The following DOCK10 variants were observed in gnomAD, a reference collection of about 807,000 sequenced individuals.
DOCK10 encodes the protein dedicator of cytokinesis 10.
A neutral mutation model predicts 280.1 loss-of-function variants in DOCK10; 145 were observed. The ratio of observed to expected loss-of-function variants is 0.52; its 90% CI spans 0.45 to 0.59. The LOEUF (loss-of-function observed/expected upper bound fraction) is 0.59. Among genes scored for constraint, DOCK10 ranks in the 20% least tolerant of loss-of-function variants. The pLI, the probability that DOCK10 is intolerant of heterozygous loss-of-function variation, is 0.00. For synonymous variants in DOCK10, 915 were observed against 942.2 expected, an observed-to-expected ratio of 0.97 and a Z score of 0.53; for missense variants, 2,368 against 2,651.7, an observed-to-expected ratio of 0.89 and a Z score of 2.35.
chr2:224,914,142 T>C (rs1398259666), intron 3 of DOCK10, among the ~76,000 whole-genome samples: 1 of 152,224 alleles, frequency 6.6e-6, no homozygotes, highest in Non-Finnish European at 1.5e-5. Context: ...AAATGGATAG[T>C]TGAGTAGTAT....
chr2:224,800,139 C>A lies in DOCK10; in HGVS notation c.4506+12G>T, dbSNP rs377714267. 4.7e-6 allele frequency: 7 copies of A among 1,494,264 alleles called. No individual in the cohort carries two copies. The highest frequency in any genetic ancestry group is 6.4e-6 in the Non-Finnish European group (7 of 1,085,798). 92.6% of individuals were successfully genotyped at this position (1,494,264 alleles called of 1,614,324 possible). On this transcript the variant is annotated intron_variant, in intron 41 of 55. Transcript: ENST00000258390. ...CATCATTTTTTGCAGAAAATGTTAT[C>A]ATCATATTCACCTGATGAGTCTGTG...
intron 22 of DOCK10, 66 bp from the exon 23 acceptor site, chr2:224,841,962 C>T: frequency 8.6e-7 from 1 of 1,166,816 alleles, no homozygotes; most frequent in African/African-American, 1.5e-5. Flanking sequence ...ACACAAACCA[C>T]TGTGATGTGA....
rs562102871 is a variant in DOCK10, at chr2:224,879,695, T to C, written c.748-3474A>G. Among the ~76,000 whole-genome samples, 9 of 152,004 alleles carry C rather than the reference T, an allele frequency of 5.9e-5. No homozygotes were observed. In the South Asian group the frequency reaches 1.7e-3, roughly 28 times the overall value. On this transcript the variant is annotated intron_variant, in intron 7 of 55. Coordinates refer to ENST00000258390, the MANE Select transcript of DOCK10 (RefSeq NM_014689.3). Reference sequence around the variant, plus strand: ...GTTACTTGAACCCAGGAGGTAGAGGTTGCAGTGAGCCGAAATTGCACCACT... The same window carrying C: ...GTTACTTGAACCCAGGAGGTAGAGGCTGCAGTGAGCCGAAATTGCACCACT...
At chr2:224,981,481 A>G (rs191945336) in intron 1 of DOCK10, among the ~76,000 whole-genome samples, 1 of 152,328 alleles carries the variant, frequency 6.6e-6, no homozygotes, top group African/African-American at 2.4e-5. Flanking sequence ...TTACCATACC[A>G]TCTATTCTAA....
intron 11 of DOCK10, among the ~76,000 whole-genome samples, chr2:224,871,549 A>T (rs1260660077): frequency 6.6e-5 from 10 of 151,932 alleles, no homozygotes; most frequent in Admixed American, 5.9e-4. Flanking sequence ...ATAAATTCAA[A>T]CTCTTTACTA....
At position 224,796,262 on chromosome 2, in the gene DOCK10, T is replaced by C. The variant is rs912331277; in HGVS notation, c.4938+54A>G. 8 of 1,082,980 alleles carry C rather than the reference T, an allele frequency of 7.4e-6. No homozygotes were observed. In the East Asian group the frequency reaches 7.8e-5, roughly 11 times the overall value. The allele number at this position is 1,082,980 out of a possible 1,614,324, so 67.1% of individuals were successfully genotyped here. A position where few individuals can be genotyped will look rare whatever the true frequency, so the allele number is the denominator to read the frequency against. On this transcript the variant is annotated intron_variant, in intron 44 of 55. Transcript: ENST00000258390. Reference sequence around the variant, plus strand: ...TGATTTTGATATCTCACAAAAAGAATCCACTTCAGATTTAAAAAAATTCTG... The same window carrying C: ...TGATTTTGATATCTCACAAAAAGAACCCACTTCAGATTTAAAAAAATTCTG...
At chr2:224,875,909 T>A in intron 8 of DOCK10, 129 bp downstream of exon 8, 1 of 864,252 alleles carries the variant, frequency 1.2e-6, no homozygotes, top group Non-Finnish European at 1.7e-6. Context: ...ATTTAGTGAT[T>A]CTTGGAACAA....
intron 6 of DOCK10, 61 bp from the exon 7 acceptor site, chr2:224,885,866 A>G (rs1333067078): frequency 2.6e-6 from 4 of 1,568,174 alleles, no homozygotes; most frequent in Non-Finnish European, 3.5e-6. Flanking sequence ...ACTCATAGAA[A>G]TTAGAATTAT....
intron 1 of DOCK10, among the ~76,000 whole-genome samples, chr2:225,035,724 A>G (rs1406849107): frequency 1.3e-5 from 2 of 150,624 alleles, no homozygotes; most frequent in African/African-American, 4.9e-5. Context: ...GGGTGTCTTT[A>G]ACAACAGACA....
At chr2:224,881,472 T>C (rs61438530) in intron 7 of DOCK10, among the ~76,000 whole-genome samples, 2,653 of 152,308 alleles carry the variant, frequency 0.017, 77 homozygotes, top group African/African-American at 0.061. Context: ...CCACATAGCT[T>C]ATGTAGGTAG....
At chr2:224,910,741 T>C (rs1398318632) in intron 3 of DOCK10, among the ~76,000 whole-genome samples, 1 of 152,220 alleles carries the variant, frequency 6.6e-6, no homozygotes, top group African/African-American at 2.4e-5. Context: ...TGGTGACCTC[T>C]TTCTTCTTAT....
intron 1 of DOCK10, among the ~76,000 whole-genome samples, chr2:224,948,437 A>G (rs1012931790): frequency 1.1e-4 from 16 of 152,224 alleles, no homozygotes; most frequent in African/African-American, 3.9e-4. Context: ...AAATTCCACC[A>G]TATGTCTTTA....
intron 23 of DOCK10, among the ~76,000 whole-genome samples, chr2:224,840,978 GTATATTATGCTAA>G (rs1695923898): frequency 6.6e-6 from 1 of 152,166 alleles, no homozygotes. Context: ...GGAACCCGGA[GTATATTATGCTAA>G]GTGAAATGAG....
chr2:225,042,086 G>A lies in DOCK10; in HGVS notation c.123+166C>T, dbSNP rs1254816998. Among the ~76,000 whole-genome samples, 1 of 152,222 alleles carries A rather than the reference G, an allele frequency of 6.6e-6. No homozygotes were observed. Among genetic ancestry groups the A allele is most frequent in the East Asian group, 1.9e-4 (1 of 5,172 alleles). On this transcript the variant is annotated intron_variant, in intron 1 of 55. Transcript: ENST00000258390. The surrounding 1 kb of genome is among the most constrained non-coding windows in gnomAD (Gnocchi z 5.1). ...TACGCGTCGGTGGCGCTGCCTCGCTGAGGTGGCGCCGGGGGAGCCCGCAGA... is the reference window on the plus strand; with the variant it reads ...TACGCGTCGGTGGCGCTGCCTCGCTAAGGTGGCGCCGGGGGAGCCCGCAGA...
chr2:224,874,910 G>A (rs1268530092), intron 8 of DOCK10, among the ~76,000 whole-genome samples, 159 bp from the exon 9 acceptor site: 1 of 152,168 alleles, frequency 6.6e-6, no homozygotes, highest in East Asian at 1.9e-4. Context: ...CCACATTGTT[G>A]AGTGATCTGG....
intron 2 of DOCK10, among the ~76,000 whole-genome samples, chr2:224,922,983 C>T (rs923865677): frequency 2.0e-5 from 3 of 152,082 alleles, no homozygotes; most frequent in East Asian, 1.9e-4. Flanking sequence ...TCTCAGACAT[C>T]GATATTGTCT....
In DOCK10 at chr2:224,770,815, T is replaced by C. The variant is rs764606340; in HGVS notation, c.6205-170A>G. ...TAGCTGCTGTCCTCCAACTTGTCAA[T>C]AGAGCATGAGTCTGAGCTCCACCTT... On this transcript the variant is annotated intron_variant, in intron 53 of 55. Transcript: ENST00000258390. This position sits in a 1 kb window ranked among gnomAD's most constrained non-coding sequence, Gnocchi z 4.5. Among the ~76,000 whole-genome samples, 2 of 152,104 alleles carry C rather than the reference T, an allele frequency of 1.3e-5. No individual in the cohort carries two copies. Among genetic ancestry groups the C allele is most frequent in the Non-Finnish European group, 2.9e-5 (2 of 68,026 alleles).
chr2:224,940,525 T>C (rs1343112145), intron 1 of DOCK10, among the ~76,000 whole-genome samples: 3 of 152,226 alleles, frequency 2.0e-5, no homozygotes, highest in Admixed American at 6.5e-5. Context: ...AACTCCTGAA[T>C]TACCAGTGCA....
At chr2:224,908,275 G>A (rs10176593) in intron 3 of DOCK10, among the ~76,000 whole-genome samples, 88,108 of 151,432 alleles carry the variant, frequency 0.58, 26,284 homozygotes, top group Admixed American at 0.65. Flanking sequence ...TTACCATTTA[G>A]TCTTGGGTCC....
Sources: gnomAD v4.1 joint callset for allele counts (sites outside exome capture counted in the v4.1 genomes callset) on GRCh38, gnomAD v4.1.1 for gene constraint, Gnocchi (gnomAD v3.1) non-coding constraint, MANE v1.5 for transcripts, NCBI Gene and HGNC (gene_info 2026-07-23, HGNC 2026-07-21) for gene names.